DNAJC5B: variants seen among roughly 807,000 people sequenced by gnomAD.
DNAJC5B encodes DnaJ heat shock protein family (Hsp40) member C5 beta.
In DNAJC5B, 23 loss-of-function variants were observed where a neutral mutation model predicts 24.7. The observed-to-expected ratio is 0.93, with a 90% CI of 0.67 to 1.32. The LOEUF (loss-of-function observed/expected upper bound fraction) is 1.32. DNAJC5B is among the 40% of genes most tolerant of loss of function. The pLI is 0.00. For missense variants in DNAJC5B, 238 were observed against 240.8 expected, an observed-to-expected ratio of 0.99 and a Z score of 0.08; for synonymous variants, 101 against 90.1, an observed-to-expected ratio of 1.12 and a Z score of -0.68.
chr8:66,062,420 TA>T (rs1314809458), intron 3 of DNAJC5B, among the ~76,000 whole-genome samples: 1 of 152,100 alleles, frequency 6.6e-6, no homozygotes, highest in Non-Finnish European at 1.5e-5. Context: ...AAAGGAAAAC[TA>T]AAAAAACAGC....
At chr8:66,045,148 A>T (rs1806696784) in intron 2 of DNAJC5B, among the ~76,000 whole-genome samples, 1 of 152,242 alleles carries the variant, frequency 6.6e-6, no homozygotes, top group African/African-American at 2.4e-5. Context: ...TGCTTGAGGC[A>T]CAAAGCAGCT....
intron 3 of DNAJC5B, among the ~76,000 whole-genome samples, chr8:66,058,216 TTAAA>T (rs1441450602): frequency 5.2e-4 from 79 of 152,356 alleles, no homozygotes; most frequent in African/African-American, 1.8e-3. Flanking sequence ...GTCCCATGAC[TTAAA>T]TAGTTTCCTA....
intron 3 of DNAJC5B, among the ~76,000 whole-genome samples, chr8:66,054,910 T>C (rs773675155): frequency 6.6e-6 from 1 of 152,100 alleles, no homozygotes; most frequent in Non-Finnish European, 1.5e-5. Flanking sequence ...AATGCCATAA[T>C]TGCATTGTCA....
At chr8:66,028,245 C>A (rs1417242335) in intron 1 of DNAJC5B, among the ~76,000 whole-genome samples, 5 of 152,150 alleles carry the variant, frequency 3.3e-5, no homozygotes, top group East Asian at 1.9e-4. Flanking sequence ...CCGGCACAAC[C>A]GCTCTTCTCT....
At chr8:66,037,019 C>T (rs1010106491) in intron 1 of DNAJC5B, among the ~76,000 whole-genome samples, 4 of 152,150 alleles carry the variant, frequency 2.6e-5, no homozygotes, top group Non-Finnish European at 4.4e-5. Flanking sequence ...GGACCCAGCT[C>T]GTTGCTTCCT....
intron 1 of DNAJC5B, among the ~76,000 whole-genome samples, chr8:66,023,466 T>C (rs1017453917): frequency 2.0e-5 from 3 of 152,276 alleles, no homozygotes; most frequent in Non-Finnish European, 4.4e-5. Context: ...ACCAGGGAAA[T>C]TGACTAGCTA....
chr8:66,041,402 T>C (rs1420067360), intron 1 of DNAJC5B, among the ~76,000 whole-genome samples: 1 of 152,168 alleles, frequency 6.6e-6, no homozygotes, highest in Non-Finnish European at 1.5e-5. Context: ...GCAGATTCTG[T>C]GGTAGTGCAC....
intron 2 of DNAJC5B, among the ~76,000 whole-genome samples, chr8:66,047,847 C>T (rs1399105110): frequency 6.6e-6 from 1 of 152,116 alleles, no homozygotes; most frequent in Admixed American, 6.5e-5. Flanking sequence ...TTGCCAGGCC[C>T]ACTGGCTGTG....
At chr8:66,093,406 T>TGG in intron 5 of DNAJC5B, among the ~76,000 whole-genome samples, 1 of 152,142 alleles carries the variant, frequency 6.6e-6, no homozygotes, top group Admixed American at 6.5e-5. Context: ...CCACTTGACA[T>TGG]CCCCTGATGG....
intron 5 of DNAJC5B, among the ~76,000 whole-genome samples, chr8:66,093,620 A>G (rs1165637637): frequency 6.6e-6 from 1 of 152,090 alleles, no homozygotes; most frequent in East Asian, 1.9e-4. Context: ...TATTCTGGGT[A>G]TTGATTCTTC....
Position 66,080,160 on chromosome 8 carries a change from G to A in DNAJC5B, c.334-217G>A, listed in dbSNP as rs117060372. Among the ~76,000 whole-genome samples, 14 of 152,266 alleles carry A rather than the reference G, an allele frequency of 9.2e-5. No homozygotes were observed. In the East Asian group the frequency reaches 2.5e-3, roughly 27 times the overall value. The stretch of plus-strand genomic sequence containing the variant: ...TTTGGCTACAAGTCATTTCCTCTGA[G>A]TCTAATTTACTAGGCAAAACTTTAC... On this transcript the variant is annotated intron_variant, in intron 4 of 5. Coordinates refer to ENST00000276570, the MANE Select transcript of DNAJC5B (RefSeq NM_033105.6).
chr8:66,093,282 A>C (rs143241738), intron 5 of DNAJC5B, among the ~76,000 whole-genome samples: 3 of 152,146 alleles, frequency 2.0e-5, no homozygotes, highest in Admixed American at 1.3e-4. Flanking sequence ...TAGTCAAAGG[A>C]TATGCACTTG....
chr8:66,048,450 T>C (rs1449473414), intron 2 of DNAJC5B, among the ~76,000 whole-genome samples: 1 of 152,180 alleles, frequency 6.6e-6, no homozygotes, highest in African/African-American at 2.4e-5. Flanking sequence ...CAGATCTTTG[T>C]TCCCTTTAGT....
At chr8:66,067,261 C>T (rs1028417139) in intron 3 of DNAJC5B, among the ~76,000 whole-genome samples, 2 of 140,624 alleles carry the variant, frequency 1.4e-5, no homozygotes, top group African/African-American at 5.2e-5. Flanking sequence ...GCTAACTGGG[C>T]CCTGATCTTG....
intron 1 of DNAJC5B, among the ~76,000 whole-genome samples, chr8:66,027,640 G>T (rs919733980): frequency 6.6e-6 from 1 of 152,150 alleles, no homozygotes; most frequent in African/African-American, 2.4e-5. Flanking sequence ...GCAACTAGAA[G>T]ACCAGTATTT....
At chr8:66,018,398 T>G (rs1431964071), upstream of DNAJC5B, among the ~76,000 whole-genome samples, 1 of 151,896 alleles carries the variant, frequency 6.6e-6, no homozygotes, top group Non-Finnish European at 1.5e-5. Context: ...GGGGTGCCTG[T>G]AAGCCCAGCT....
intron 5 of DNAJC5B, 97 bp from the exon 6 acceptor site, chr8:66,099,840 G>T: frequency 9.9e-7 from 1 of 1,010,450 alleles, no homozygotes; most frequent in Non-Finnish European, 1.5e-6. Flanking sequence ...GAGTTGATTT[G>T]CCAGTCATGA....
intron 3 of DNAJC5B, among the ~76,000 whole-genome samples, chr8:66,062,093 G>T (rs1288093889): frequency 6.6e-6 from 1 of 152,256 alleles, no homozygotes; most frequent in Non-Finnish European, 1.5e-5. Context: ...TCAGTTCCTT[G>T]AGGGCAGACA....
At chr8:66,030,870 CAAG>C (rs1335873852) in intron 1 of DNAJC5B, among the ~76,000 whole-genome samples, 3 of 152,180 alleles carry the variant, frequency 2.0e-5, no homozygotes, top group Admixed American at 6.5e-5. Context: ...CTCCTGACCT[CAAG>C]AGATCTGCCT....
Sources: allele counts gnomAD v4.1 joint callset (sites outside exome capture counted in the v4.1 genomes callset), GRCh38; gene constraint gnomAD v4.1.1; transcripts MANE v1.5; gene names NCBI Gene and HGNC (gene_info 2026-07-23, HGNC 2026-07-21).